The following MYOC variants were observed in gnomAD, a reference collection of about 807,000 sequenced individuals.
The protein encoded by MYOC is myocilin, also known as juvenile-onset open-angle glaucoma 1.
A neutral mutation model predicts 28.2 loss-of-function variants in MYOC; 29 were observed. That is an observed-to-expected ratio of 1.03 (90% CI 0.77 to 1.40). The LOEUF (loss-of-function observed/expected upper bound fraction) is 1.40, where lower values mean the gene tolerates loss of function less well. MYOC is among the 40% of genes most tolerant of loss of function. The pLI is 0.00. For missense variants in MYOC, 569 were observed against 620.6 expected (o/e 0.92, Z 0.88); for synonymous variants, 240 against 245.6 (o/e 0.98, Z 0.21).
At position 171,652,208 on chromosome 1, in the gene MYOC, G is replaced by A. The variant is rs763394945; in HGVS notation, c.404C>T (p.Thr135Ile). 3.2e-5 allele frequency: 51 copies of A among 1,614,024 alleles called. No individual in the cohort carries two copies. The Middle Eastern group carries it at 6.6e-4, about 21-fold the overall frequency. The stretch of plus-strand genomic sequence containing the variant: ...GCTGTAGGCAGTCTCCAACTCTCTG[G>A]TTTGGGTTTCCAGCTGGTCCCGCTC... Reference protein sequence around the residue: ...RRERDQLETQTRELETAYSNL... With the variant: ...RRERDQLETQIRELETAYSNL... The change falls in exon 1 of 3, where the codon ACC becomes ATC. Residue 135 changes from threonine to isoleucine, a missense_variant. Coordinates refer to ENST00000037502, the MANE Select transcript of MYOC (RefSeq NM_000261.2).
At chr1:171,637,687 A>T (rs1359137857) in intron 2 of MYOC, among the ~76,000 whole-genome samples, 2 of 150,148 alleles carry the variant, frequency 1.3e-5, no homozygotes, top group Non-Finnish European at 3.0e-5. Context: ...ATCTCGGCTC[A>T]CTGCAACCTC....
At position 171,652,661 on chromosome 1, in the gene MYOC, G is replaced by A; in HGVS notation, c.-50C>T. On this transcript the variant is annotated 5_prime_UTR_variant, in exon 1 of 3. Transcript: ENST00000037502. ...CTGGAAAGCTCTGCTGTGCTGAGAG[G>A]TGCCTGGATGGGTGGCCTTGCTGGC... 1 of 1,611,442 alleles carries A rather than the reference G, an allele frequency of 6.2e-7. No individual in the cohort carries two copies. The highest frequency in any genetic ancestry group is 8.5e-7 in the Non-Finnish European group (1 of 1,179,724).
At chr1:171,643,649 ATTTCT>A (rs1385606136) in intron 1 of MYOC, among the ~76,000 whole-genome samples, 1 of 152,030 alleles carries the variant, frequency 6.6e-6, no homozygotes, top group African/African-American at 2.4e-5. Flanking sequence ...GACAACTCAA[ATTTCT>A]TTTCTTTCAT....
At chr1:171,644,876 C>T (rs1469164191) in intron 1 of MYOC, among the ~76,000 whole-genome samples, 1 of 152,260 alleles carries the variant, frequency 6.6e-6, no homozygotes, top group East Asian at 1.9e-4. Context: ...AACCGAGGTT[C>T]AGAGAGGTTA....
intron 1 of MYOC, among the ~76,000 whole-genome samples, chr1:171,648,939 G>A (rs1055123021): frequency 2.7e-5 from 4 of 150,826 alleles, no homozygotes; most frequent in African/African-American, 7.3e-5. Flanking sequence ...TGTCCACCTC[G>A]GCCTCCCAAA....
intron 2 of MYOC, 140 bp downstream of exon 2, chr1:171,638,456 CT>C: frequency 1.0e-6 from 1 of 952,702 alleles, no homozygotes; most frequent in Non-Finnish European, 1.6e-6. Flanking sequence ...TTCTGTTCCT[CT>C]TCTCCTCCCC....
chr1:171,635,705 C>A lies in MYOC; in HGVS notation c.*220G>T. 1 of 590,946 alleles carries A rather than the reference C, an allele frequency of 1.7e-6. No individual in the cohort carries two copies. Among genetic ancestry groups the A allele is most frequent in the Non-Finnish European group, 3.0e-6 (1 of 333,910 alleles). 36.6% of individuals were successfully genotyped at this position (590,946 alleles called of 1,614,324 possible). A position where few individuals can be genotyped will look rare whatever the true frequency, so the allele number is the denominator to read the frequency against. ...TCATTAAACATCCCATAAATGCTGA[C>A]AGAAGATAAAGGATATTTATTATAT... On this transcript the variant is annotated 3_prime_UTR_variant, in exon 3 of 3. Transcript: ENST00000037502.
chr1:171,650,451 C>G (rs1653327884), intron 1 of MYOC, among the ~76,000 whole-genome samples: 1 of 152,200 alleles, frequency 6.6e-6, no homozygotes, highest in Non-Finnish European at 1.5e-5. Context: ...CTAATTCTAA[C>G]AATCTAAACA....
At chr1:171,645,418 C>T (rs899147249) in intron 1 of MYOC, among the ~76,000 whole-genome samples, 1 of 152,192 alleles carries the variant, frequency 6.6e-6, no homozygotes, top group Non-Finnish European at 1.5e-5. Flanking sequence ...CCTATTGCAG[C>T]TGCAGACCAG....
rs1211343816 is a variant in MYOC at position 171,652,360 on chromosome 1, G to A, written c.252C>T (p.Asp84=). The change falls in exon 1 of 3, where the codon GAC becomes GAT. Residue 84 remains aspartate, a synonymous_variant. Transcript: ENST00000037502. ...LQRDSSTQRL[D]LEATKARLSS... Reference sequence around the variant, plus strand: ...TGAGTCGAGCTTTGGTGGCCTCCAGGTCTAAGCGTTGGGTGCTGCTGTCTC... The same window carrying A: ...TGAGTCGAGCTTTGGTGGCCTCCAGATCTAAGCGTTGGGTGCTGCTGTCTC... 3.1e-6 allele frequency: 5 copies of A among 1,612,198 alleles called. No homozygotes were observed. The highest frequency in any genetic ancestry group is 1.1e-5 in the South Asian group (1 of 91,010).
In MYOC at chr1:171,636,502, G is replaced by A. The variant is rs376895063; in HGVS notation, c.938C>T (p.Ser313Phe). Residue 313 changes from serine to phenylalanine, a missense_variant, in exon 3 of 3, where the codon TCT becomes TTT. Coordinates refer to ENST00000037502, the MANE Select transcript of MYOC (RefSeq NM_000261.2). ...LISQFMQGYP[S>F]KVHILPRPLE... The stretch of plus-strand genomic sequence containing the variant: ...TGGCCTAGGCAGTATGTGAACCTTA[G>A]AAGGGTAGCCCTGCATAAACTGGCT... 15 of 1,612,748 alleles carry A rather than the reference G, an allele frequency of 9.3e-6. No individual in the cohort carries two copies. The East Asian group carries it at 2.9e-4, about 31-fold the overall frequency.
Position 171,635,695 on chromosome 1 carries a change from T to A in MYOC, c.*230A>T. The A allele has an allele frequency of 1.7e-6, 1 of 580,968 alleles. No homozygotes were observed. The highest frequency in any genetic ancestry group is 2.9e-5 in the East Asian group (1 of 34,398). The allele number at this position is 580,968 out of a possible 1,614,324, so 36.0% of individuals were successfully genotyped here. ...TTGAACTATGTCATTAAACATCCCATAAATGCTGACAGAAGATAAAGGATA... is the reference window on the plus strand; with the variant it reads ...TTGAACTATGTCATTAAACATCCCAAAAATGCTGACAGAAGATAAAGGATA... On this transcript the variant is annotated 3_prime_UTR_variant, in exon 3 of 3. Transcript: ENST00000037502.
intron 1 of MYOC, among the ~76,000 whole-genome samples, chr1:171,649,795 C>CA (rs1439506730): frequency 3.3e-5 from 5 of 150,762 alleles, no homozygotes; most frequent in South Asian, 2.1e-4. Flanking sequence ...AACTCTGTCT[C>CA]AAAAAAAAAG....
chr1:171,644,771 C>G (rs1282265729), intron 1 of MYOC, among the ~76,000 whole-genome samples: 1 of 152,140 alleles, frequency 6.6e-6, no homozygotes. Flanking sequence ...TTAAGTGTCT[C>G]TTATGAGCCA....
intron 1 of MYOC, 75 bp from the exon 2 acceptor site, chr1:171,638,797 T>C: frequency 6.4e-7 from 1 of 1,555,810 alleles, no homozygotes; most frequent in African/African-American, 1.4e-5. Context: ...GAGGATGACA[T>C]TTAAATAGGC....
chr1:171,652,225 GTCCCGC>G lies in MYOC; in HGVS notation c.381_386del (p.Glu127_Arg128del). On this transcript the variant is annotated inframe_deletion, in exon 1 of 3. Coordinates refer to ENST00000037502, the MANE Select transcript of MYOC (RefSeq NM_000261.2). ...ACTCTCTGGTTTGGGTTTCCAGCTG[GTCCCGC>G]TCCCGCCTCAGGGTGCCCAGCTCCC... is the stretch of plus-strand genomic sequence containing the variant. 1.2e-6 allele frequency: 2 copies of G among 1,614,158 alleles called. No homozygotes were observed. Among genetic ancestry groups the G allele is most frequent in the Non-Finnish European group, 1.7e-6 (2 of 1,180,030 alleles).
intron 1 of MYOC, among the ~76,000 whole-genome samples, chr1:171,644,544 A>C (rs1268182051): frequency 6.6e-6 from 1 of 151,318 alleles, no homozygotes; most frequent in African/African-American, 2.4e-5. Context: ...GGATAGCTAA[A>C]GTATGTACTG....
Position 171,635,912 on chromosome 1 carries a change from G to C in MYOC, c.*13C>G. The C allele has an allele frequency of 6.2e-7, 1 of 1,613,912 alleles. No homozygotes were observed. Among genetic ancestry groups the C allele is most frequent in the Non-Finnish European group, 8.5e-7 (1 of 1,179,958 alleles). On this transcript the variant is annotated 3_prime_UTR_variant, in exon 3 of 3. Transcript: ENST00000037502. ...ATCTCCTTCTGCCATTGCCTGTACA[G>C]CTTGGAGGCTTTTCACATCTTGGAG...
chr1:171,636,399 A>G lies in MYOC; in HGVS notation c.1041T>C (p.Tyr347=), dbSNP rs61730974. The G allele has an allele frequency of 0.026, 41,531 of 1,614,076 alleles. 711 individuals carry two copies. Among genetic ancestry groups the G allele is most frequent in the Middle Eastern group, 0.055 (336 of 6,062 alleles). ...QGAESRTVIR[Y]ELNTETVKAE... ...CCTTCACTGTCTCGGTATTCAGCTCATATCTTATGACAGTTCTGGACTCAG... is the reference window on the plus strand; with the variant it reads ...CCTTCACTGTCTCGGTATTCAGCTCGTATCTTATGACAGTTCTGGACTCAG... The change falls in exon 3 of 3, where the codon TAT becomes TAC. Residue 347 remains tyrosine (Y), a synonymous_variant. Coordinates refer to ENST00000037502, the MANE Select transcript of MYOC (RefSeq NM_000261.2).
Sources: allele counts gnomAD v4.1 joint callset (sites outside exome capture counted in the v4.1 genomes callset), GRCh38; gene constraint gnomAD v4.1.1; transcripts MANE v1.5; gene names NCBI Gene and HGNC (gene_info 2026-07-23, HGNC 2026-07-21).